Variants in ALG14 observed in about 807,000 individuals in gnomAD.
ALG14 encodes the protein ALG14 UDP-N-acetylglucosaminyltransferase subunit.
Under a neutral mutation model 22.8 loss-of-function variants are expected in ALG14, and 17 were observed. The observed-to-expected ratio is 0.75, with a 90% CI of 0.51 to 1.12. The LOEUF (loss-of-function observed/expected upper bound fraction) is 1.12, where lower values mean the gene tolerates loss of function less well. ALG14 is among the 50% of genes most tolerant of loss of function. ALG14 has a pLI of 0.00. For synonymous variants in ALG14, 89 were observed against 103.7 expected (o/e 0.86, Z 0.86); for missense variants, 288 against 271.8 (o/e 1.06, Z -0.42).
At chr1:95,023,001 A>C (rs1338632796) in intron 3 of ALG14, among the ~76,000 whole-genome samples, 1 of 152,208 alleles carries the variant, frequency 6.6e-6, no homozygotes, top group African/African-American at 2.4e-5. Flanking sequence ...GTAGGCCAAT[A>C]AAAATTTTAT....
intron 1 of ALG14, among the ~76,000 whole-genome samples, chr1:95,066,591 A>ACAAATTT (rs1364123559): frequency 6.6e-6 from 1 of 152,156 alleles, no homozygotes; most frequent in East Asian, 1.9e-4. Flanking sequence ...ATATATAGAA[A>ACAAATTT]CAAATTTGGC....
chr1:95,020,014 T>C (rs1317163720), intron 3 of ALG14, among the ~76,000 whole-genome samples: 2 of 152,040 alleles, frequency 1.3e-5, no homozygotes, highest in African/African-American at 2.4e-5. Flanking sequence ...GGTCAGGAGT[T>C]CAAGACCAGC....
intron 3 of ALG14, among the ~76,000 whole-genome samples, chr1:95,001,858 C>T (rs1302622165): frequency 2.0e-5 from 3 of 152,146 alleles, no homozygotes; most frequent in African/African-American, 4.8e-5. Context: ...GGGCTATTAA[C>T]TAGCTTCCTA....
intron 2 of ALG14, among the ~76,000 whole-genome samples, chr1:95,027,694 CAA>C (rs1673863872): frequency 6.6e-6 from 1 of 152,208 alleles, no homozygotes; most frequent in Non-Finnish European, 1.5e-5. Flanking sequence ...CAACAGAAAA[CAA>C]GTCATTTTCG....
intron 3 of ALG14, among the ~76,000 whole-genome samples, chr1:95,023,824 GAGAA>G (rs1260957787): frequency 2.6e-5 from 4 of 152,186 alleles, no homozygotes; most frequent in Admixed American, 2.0e-4. Context: ...AATAAAGCCT[GAGAA>G]GAGCACCAGT....
At chr1:95,035,831 T>C (rs1297835438) in intron 2 of ALG14, 1 of 152,156 alleles carries the variant, frequency 6.6e-6, no homozygotes, top group Non-Finnish European at 1.5e-5. Flanking sequence ...TACCACACAC[T>C]GAAACATACA....
chr1:95,066,293 G>A (rs983233091), intron 1 of ALG14, among the ~76,000 whole-genome samples: 3 of 150,914 alleles, frequency 2.0e-5, no homozygotes, highest in African/African-American at 4.9e-5. Context: ...GTGTGATCTC[G>A]GCTCATTGCA....
intron 2 of ALG14, among the ~76,000 whole-genome samples, chr1:95,047,635 T>C (rs1393421270): frequency 2.0e-5 from 3 of 152,160 alleles, no homozygotes; most frequent in South Asian, 4.1e-4. Context: ...TGAGCCACAG[T>C]GCCTGGCCTG....
chr1:94,997,335 C>A (rs999863185), intron 3 of ALG14, among the ~76,000 whole-genome samples: 6 of 152,128 alleles, frequency 3.9e-5, no homozygotes, highest in African/African-American at 1.4e-4. Context: ...AAGTTTTAAT[C>A]CAGCAGTTGA....
intron 3 of ALG14, among the ~76,000 whole-genome samples, chr1:95,002,215 G>T (rs1312691783): frequency 6.6e-6 from 1 of 152,110 alleles, no homozygotes; most frequent in Non-Finnish European, 1.5e-5. Flanking sequence ...TATCTCATGG[G>T]CCAATATTGA....
In ALG14 at chr1:94,993,797, T is replaced by C. The variant is rs183050892; in HGVS notation, c.421-10491A>G. On this transcript the variant is annotated intron_variant, in intron 3 of 3. Coordinates refer to ENST00000370205, the MANE Select transcript of ALG14 (RefSeq NM_144988.4). ...GGGGTTTGGGCTAAGCTATAAGCAG[T>C]GCAGACATCCAGACATCAGGCTCCA... Among the ~76,000 whole-genome samples, 496 of 152,296 alleles carry C rather than the reference T, an allele frequency of 3.3e-3. 1 individual carries two copies. The highest frequency in any genetic ancestry group is 0.011 in the African/African-American group (477 of 41,566).
intron 3 of ALG14, among the ~76,000 whole-genome samples, chr1:95,025,767 C>T (rs1673793350): frequency 6.6e-6 from 1 of 152,236 alleles, no homozygotes; most frequent in Admixed American, 6.5e-5. Context: ...TTCCTGACCT[C>T]TCTCAGTCTT....
In ALG14 at chr1:94,980,261, G is replaced by A. The variant is rs1023703504; in HGVS notation, c.*2815C>T. The A allele has an allele frequency of 6.6e-6, 1 of 152,102 alleles. No homozygotes were observed. Among genetic ancestry groups the A allele is most frequent in the African/African-American group, 2.4e-5 (1 of 41,424 alleles). 9.4% of individuals were successfully genotyped at this position (152,102 alleles called of 1,614,324 possible). On this transcript the variant is annotated 3_prime_UTR_variant, in exon 4 of 4. Coordinates refer to ENST00000370205, the MANE Select transcript of ALG14 (RefSeq NM_144988.4). ...TTGTCACCACTCCTCTTGTTGACAC[G>A]GTTTCATAGCACTCTTCGTTCCAGG...
Position 95,071,500 on chromosome 1 carries a change from G to A in ALG14, c.136+1263C>T, listed in dbSNP as rs368750185. On this transcript the variant is annotated intron_variant, in intron 1 of 3. Coordinates refer to ENST00000370205, the MANE Select transcript of ALG14 (RefSeq NM_144988.4). ...TGGAGTTGCAGTGAGCTGAGACTGC[G>A]CCACTGCCCTCCAGCCTGGGCAACA... Among the ~76,000 whole-genome samples, 66 of 152,198 alleles carry A rather than the reference G, an allele frequency of 4.3e-4. 2 individuals are homozygous for A. In the East Asian group the frequency reaches 0.01, roughly 23 times the overall value.
chr1:94,979,290 G>GAAAAAAAAAAAAAAAAAAAAAA lies in ALG14; in HGVS notation c.*3764_*3785dup, dbSNP rs66813692. The stretch of plus-strand genomic sequence containing the variant: ...CTGGGCGATGGAGCGAGACTGTCTC[G>GAAAAAAAAAAAAAAAAAAAAAA]AAAAAAAAAAAAAAAAAAAAAAAAG... On this transcript the variant is annotated 3_prime_UTR_variant, in exon 4 of 4. Coordinates refer to ENST00000370205, the MANE Select transcript of ALG14 (RefSeq NM_144988.4). 2.6e-5 allele frequency: 2 copies of GAAAAAAAAAAAAAAAAAAAAAA among 76,450 alleles called. No individual in the cohort carries two copies. Among genetic ancestry groups the GAAAAAAAAAAAAAAAAAAAAAA allele is most frequent in the Non-Finnish European group, 2.6e-5 (1 of 38,648 alleles). The allele number at this position is 76,450 out of a possible 1,614,324, so 4.7% of individuals were successfully genotyped here.
At chr1:94,993,113 A>G (rs1185443423) in intron 3 of ALG14, among the ~76,000 whole-genome samples, 1 of 148,758 alleles carries the variant, frequency 6.7e-6, no homozygotes, top group African/African-American at 2.5e-5. Flanking sequence ...AGGGCATACC[A>G]GATAACAATA....
At chr1:95,058,284 GAAAAAAAAAAA>G (rs56748968) in intron 2 of ALG14, among the ~76,000 whole-genome samples, 375 of 20,506 alleles carry the variant, frequency 0.018, 5 homozygotes, top group African/African-American at 0.051. Flanking sequence ...GACTCCATCT[GAAAAAAAAAAA>G]AAAAAAAAAA....
chr1:95,052,881 T>C (rs999488447), intron 2 of ALG14, among the ~76,000 whole-genome samples: 1 of 143,616 alleles, frequency 7.0e-6, no homozygotes, highest in Non-Finnish European at 1.5e-5. Flanking sequence ...AAAAGAGTAA[T>C]GTCTAAGAGA....
At chr1:95,015,784 C>A (rs1286709210) in intron 3 of ALG14, among the ~76,000 whole-genome samples, 3 of 152,156 alleles carry the variant, frequency 2.0e-5, no homozygotes, top group Non-Finnish European at 4.4e-5. Context: ...TGGTTGTTTC[C>A]ATGCCTGAAG....
Sources: gnomAD v4.1 joint callset for allele counts (sites outside exome capture counted in the v4.1 genomes callset) on GRCh38, gnomAD v4.1.1 for gene constraint, MANE v1.5 for transcripts, NCBI Gene and HGNC (gene_info 2026-07-23, HGNC 2026-07-21) for gene names.